The following SPATA16 variants were observed in gnomAD, a reference collection of about 807,000 sequenced individuals.
SPATA16 encodes spermatogenesis-associated protein 16.
Under a neutral mutation model 63.3 loss-of-function variants are expected in SPATA16, and 36 were observed. That is an observed-to-expected ratio of 0.57 (90% CI 0.44 to 0.75). SPATA16 has a LOEUF of 0.75. SPATA16 is among the 30% of genes least tolerant of loss of function. SPATA16 has a pLI of 0.00. For missense variants in SPATA16, 646 were observed against 679.3 expected, an observed-to-expected ratio of 0.95 and a Z score of 0.54; for synonymous variants, 203 against 216.7, an observed-to-expected ratio of 0.94 and a Z score of 0.56.
At chr3:173,127,098 T>C (rs1738246867) in intron 1 of SPATA16, among the ~76,000 whole-genome samples, 1 of 152,226 alleles carries the variant, frequency 6.6e-6, no homozygotes, top group African/African-American at 2.4e-5. Context: ...GTTGTACGAA[T>C]ATCAAGAACT....
chr3:173,005,758 G>A (rs1734931663), intron 4 of SPATA16, among the ~76,000 whole-genome samples: 1 of 152,082 alleles, frequency 6.6e-6, no homozygotes, highest in South Asian at 2.1e-4. Context: ...CTTATCAACA[G>A]CCTGAGTTTT....
intron 2 of SPATA16, among the ~76,000 whole-genome samples, chr3:173,115,855 C>G (rs1577182473): frequency 6.6e-6 from 1 of 152,002 alleles, no homozygotes; most frequent in African/African-American, 2.4e-5. Context: ...CCTGCTCACT[C>G]TCATCACCCA....
intron 5 of SPATA16, among the ~76,000 whole-genome samples, chr3:172,962,751 G>A (rs1248595102): frequency 1.3e-5 from 2 of 151,640 alleles, no homozygotes; most frequent in African/African-American, 4.8e-5. Flanking sequence ...TACTATACTT[G>A]CAAGCTATAA....
chr3:173,057,908 C>G (rs566218664), intron 2 of SPATA16, among the ~76,000 whole-genome samples: 1 of 152,088 alleles, frequency 6.6e-6, no homozygotes, highest in Admixed American at 6.6e-5. Context: ...TGGTCCACAA[C>G]AGATTGGGAC....
intron 5 of SPATA16, among the ~76,000 whole-genome samples, chr3:172,964,552 A>G (rs1733864938): frequency 1.3e-5 from 2 of 152,236 alleles, no homozygotes; most frequent in Non-Finnish European, 2.9e-5. Flanking sequence ...ACTGGGTATT[A>G]CTAATGAGCT....
rs902164717 is a variant in SPATA16 at position 172,960,294 on chromosome 3, G to A, written c.934-3470C>T. On this transcript the variant is annotated intron_variant, in intron 5 of 10. Coordinates refer to ENST00000351008, the MANE Select transcript of SPATA16 (RefSeq NM_031955.6). ...GGACCTGTGAACTTCTCTGATGTCA[G>A]TAAATGTTGCACGTGTGCAGAAAAT... is the stretch of plus-strand genomic sequence containing the variant. 3.3e-5 allele frequency among the ~76,000 whole-genome samples: 5 copies of A among 152,310 alleles called. No individual in the cohort carries two copies. In the South Asian group the frequency reaches 8.3e-4, roughly 25 times the overall value.
At chr3:173,071,183 A>T (rs951474409) in intron 2 of SPATA16, among the ~76,000 whole-genome samples, 5 of 152,206 alleles carry the variant, frequency 3.3e-5, no homozygotes, top group Non-Finnish European at 5.9e-5. Flanking sequence ...CTCATTTTAG[A>T]CAAAGTGCCA....
At position 172,894,585 on chromosome 3, in the gene SPATA16, A is replaced by G. The variant is rs550390347; in HGVS notation, c.1588-4893T>C. ...ATATTTAATATAGAGTTAGAAAACTATTATGAAATTTTGCTATCACATAGT... is the reference window on the plus strand; with the variant it reads ...ATATTTAATATAGAGTTAGAAAACTGTTATGAAATTTTGCTATCACATAGT... On this transcript the variant is annotated intron_variant, in intron 10 of 10. Coordinates refer to ENST00000351008, the MANE Select transcript of SPATA16 (RefSeq NM_031955.6). 3.3e-5 allele frequency among the ~76,000 whole-genome samples: 5 copies of G among 152,156 alleles called. No individual in the cohort carries two copies. The South Asian group carries it at 8.3e-4, about 25-fold the overall frequency.
intron 4 of SPATA16, among the ~76,000 whole-genome samples, chr3:172,998,883 C>A (rs759980840): frequency 1.6e-4 from 25 of 151,964 alleles, no homozygotes; most frequent in Non-Finnish European, 3.2e-4. Flanking sequence ...TTTTCTATAC[C>A]TGGAATACAT....
chr3:172,898,770 T>A (rs542083294), intron 10 of SPATA16, among the ~76,000 whole-genome samples: 1 of 151,786 alleles, frequency 6.6e-6, no homozygotes, highest in Non-Finnish European at 1.5e-5. Context: ...TATTTTGTCC[T>A]TCTTTTTCTA....
rs1349228594 is a variant in SPATA16 at position 173,024,008 on chromosome 3, C to T, written c.759-4433G>A. Among the ~76,000 whole-genome samples, 5 of 151,336 alleles carry T rather than the reference C, an allele frequency of 3.3e-5. No individual in the cohort carries two copies. In the East Asian group the frequency reaches 5.8e-4, roughly 18 times the overall value. On this transcript the variant is annotated intron_variant, in intron 3 of 10. Transcript: ENST00000351008. The stretch of plus-strand genomic sequence containing the variant: ...AAAAATGTGAAATCTTGATTCCCAC[C>T]TCAAACCTACTGAATCACATTTTAA...
intron 10 of SPATA16, among the ~76,000 whole-genome samples, chr3:172,907,104 A>G (rs948119939): frequency 1.3e-5 from 2 of 152,222 alleles, no homozygotes; most frequent in African/African-American, 4.8e-5. Context: ...GGCCTGTTCA[A>G]TCACAGCTGC....
intron 10 of SPATA16, among the ~76,000 whole-genome samples, chr3:172,903,920 A>G (rs1732179771): frequency 6.6e-6 from 1 of 152,238 alleles, no homozygotes; most frequent in Non-Finnish European, 1.5e-5. Context: ...TGGCTGTCTT[A>G]CAGAATCTGA....
intron 8 of SPATA16, among the ~76,000 whole-genome samples, chr3:172,921,285 C>A (rs1732610016): frequency 3.3e-5 from 5 of 152,060 alleles, no homozygotes. Flanking sequence ...AAAGCCTTAG[C>A]CACTAGTATT....
At chr3:173,044,375 T>A (rs1735911463) in intron 3 of SPATA16, among the ~76,000 whole-genome samples, 2 of 152,202 alleles carry the variant, frequency 1.3e-5, no homozygotes, top group Admixed American at 1.3e-4. Context: ...TCCAAACTGA[T>A]GTTAAAGTAA....
intron 5 of SPATA16, among the ~76,000 whole-genome samples, chr3:172,968,712 A>G (rs1256545861): frequency 3.3e-5 from 5 of 152,152 alleles, no homozygotes; most frequent in Non-Finnish European, 5.9e-5. Context: ...CACGGTCACT[A>G]TCTCCTTCAT....
chr3:172,947,189 T>G (rs531999360), intron 6 of SPATA16, among the ~76,000 whole-genome samples: 1 of 152,238 alleles, frequency 6.6e-6, no homozygotes, highest in East Asian at 1.9e-4. Context: ...AAGATTTAGA[T>G]CACAACACTC....
intron 8 of SPATA16, among the ~76,000 whole-genome samples, chr3:172,920,041 T>C (rs1470469788): frequency 2.6e-5 from 4 of 152,174 alleles, no homozygotes; most frequent in African/African-American, 9.7e-5. Flanking sequence ...ATCATTCCTA[T>C]GTTGTGTGTT....
chr3:172,921,183 AT>A (rs1220979667), intron 8 of SPATA16, among the ~76,000 whole-genome samples: 3 of 151,204 alleles, frequency 2.0e-5, no homozygotes, highest in Admixed American at 2.0e-4. Context: ...ATTACAGGCA[AT>A]TTTTTCCTAG....
Sources: allele counts gnomAD v4.1 joint callset (sites outside exome capture counted in the v4.1 genomes callset), GRCh38; gene constraint gnomAD v4.1.1; transcripts MANE v1.5; gene names NCBI Gene and HGNC (gene_info 2026-07-23, HGNC 2026-07-21).